The following FRYL variants were observed in gnomAD, a reference collection of about 807,000 sequenced individuals.
The protein encoded by FRYL is protein furry homolog-like.
Under a neutral mutation model 351.2 loss-of-function variants are expected in FRYL, and 150 were observed. That is an observed-to-expected ratio of 0.43 (90% confidence interval 0.37 to 0.49). The LOEUF is 0.49. FRYL is among the 20% of genes least tolerant of loss of function. The pLI is 0.00. For missense variants in FRYL, 3,036 were observed against 3,619.3 expected, an observed-to-expected ratio of 0.84 and a Z score of 4.13; for synonymous variants, 1,153 against 1,257.1, an observed-to-expected ratio of 0.92 and a Z score of 1.75.
chr4:48,510,643 G>A (rs1391475043), intron 58 of FRYL, among the ~76,000 whole-genome samples, 192 bp downstream of exon 58: 1 of 152,094 alleles, frequency 6.6e-6, no homozygotes, highest in Non-Finnish European at 1.5e-5. Context: ...AGGGCATGAA[G>A]GAGTCAGAAT....
At chr4:48,644,735 A>T (rs1756045415) in intron 3 of FRYL, among the ~76,000 whole-genome samples, 1 of 152,042 alleles carries the variant, frequency 6.6e-6, no homozygotes, top group African/African-American at 2.4e-5. Flanking sequence ...TTAAAAATTC[A>T]TTTTTCAAAA....
chr4:48,559,753 C>T (rs545627075), intron 33 of FRYL, among the ~76,000 whole-genome samples: 47 of 150,504 alleles, frequency 3.1e-4, no homozygotes, highest in South Asian at 1.1e-3. Flanking sequence ...AAAAAAGGGA[C>T]GGAAGGCAAG....
chr4:48,552,249 GTGT>G (rs1732993397), intron 36 of FRYL, among the ~76,000 whole-genome samples: 2 of 77,554 alleles, frequency 2.6e-5, no homozygotes, highest in African/African-American at 8.1e-5. Context: ...AAAGGGGTGT[GTGT>G]GTGTGTGTGT....
At chr4:48,712,506 G>C (rs1237733392) in intron 1 of FRYL, among the ~76,000 whole-genome samples, 1 of 152,144 alleles carries the variant, frequency 6.6e-6, no homozygotes, top group Non-Finnish European at 1.5e-5. Flanking sequence ...AGCGAGAAGG[G>C]AAGTTTAGAG....
At chr4:48,501,210 A>G (rs1455750135) in intron 62 of FRYL, among the ~76,000 whole-genome samples, 1 of 151,680 alleles carries the variant, frequency 6.6e-6, no homozygotes, top group Non-Finnish European at 1.5e-5. Context: ...TGATTTTCTG[A>G]GACAGGGTCT....
At chr4:48,741,239 C>G (rs1772023620) in intron 1 of FRYL, among the ~76,000 whole-genome samples, 1 of 152,036 alleles carries the variant, frequency 6.6e-6, no homozygotes, top group Non-Finnish European at 1.5e-5. Flanking sequence ...GAAGACTCAT[C>G]TTTATTAAAA....
At chr4:48,708,702 C>T (rs1327584474) in intron 2 of FRYL, among the ~76,000 whole-genome samples, 1 of 152,176 alleles carries the variant, frequency 6.6e-6, no homozygotes, top group African/African-American at 2.4e-5. Context: ...AAGTAATCCT[C>T]CCACCTTACC....
chr4:48,717,080 T>C (rs1207966931), intron 1 of FRYL, among the ~76,000 whole-genome samples: 1 of 125,412 alleles, frequency 8.0e-6, no homozygotes, highest in East Asian at 2.4e-4. Context: ...AACGAGAACA[T>C]ATGGACACAG....
At chr4:48,779,494 G>A (rs951479235) in intron 1 of FRYL, among the ~76,000 whole-genome samples, 2 of 152,088 alleles carry the variant, frequency 1.3e-5, no homozygotes, top group Admixed American at 6.5e-5. Flanking sequence ...GACAATGCCC[G>A]GCTGGGCTGG....
At chr4:48,522,158 G>A (rs908015354) in intron 54 of FRYL, among the ~76,000 whole-genome samples, 2 of 152,166 alleles carry the variant, frequency 1.3e-5, no homozygotes, top group African/African-American at 4.8e-5. Flanking sequence ...GCATGCACCT[G>A]TAGTCCTAGC....
chr4:48,625,480 T>TA (rs1299036970), intron 4 of FRYL, among the ~76,000 whole-genome samples: 2 of 152,114 alleles, frequency 1.3e-5, no homozygotes, highest in African/African-American at 4.8e-5. Flanking sequence ...CAGTAAAAAA[T>TA]AAAATAAAAC....
intron 2 of FRYL, among the ~76,000 whole-genome samples, chr4:48,694,140 A>G (rs1217802556): frequency 1.3e-5 from 2 of 152,194 alleles, no homozygotes; most frequent in Non-Finnish European, 2.9e-5. Flanking sequence ...GAGCACAGCA[A>G]AGAGATTAAG....
At position 48,579,046 on chromosome 4, in the gene FRYL, A is replaced by C. The variant is rs1480097727; in HGVS notation, c.2455T>G (p.Ser819Ala). Reference sequence around the variant, plus strand: ...ATCCAAGCATAGCTCACAGCTGTAGAGCAGTGTTTAGGAAGATTTTCTTGC... The same window carrying C: ...ATCCAAGCATAGCTCACAGCTGTAGCGCAGTGTTTAGGAAGATTTTCTTGC... ...LKQENLPKHC[S>A]TAVSYAWMFA... The change falls in exon 23 of 64, where the codon TCT (serine) becomes GCT (alanine). Residue 819 changes from serine to alanine, a missense_variant. Transcript: ENST00000358350. The C allele has an allele frequency of 1.4e-5, 22 of 1,613,888 alleles. No individual in the cohort carries two copies. The highest frequency in any genetic ancestry group is 1.6e-5 in the Non-Finnish European group (19 of 1,179,888).
At chr4:48,507,979 A>G (rs755283979) in intron 59 of FRYL, among the ~76,000 whole-genome samples, 6 of 152,174 alleles carry the variant, frequency 3.9e-5, no homozygotes, top group Non-Finnish European at 7.4e-5. Context: ...GCAGTCTTGA[A>G]TAATAATAAA....
chr4:48,758,130 C>G (rs1308647014), intron 1 of FRYL, among the ~76,000 whole-genome samples: 1 of 152,178 alleles, frequency 6.6e-6, no homozygotes, highest in Non-Finnish European at 1.5e-5. Flanking sequence ...AAGCATAAAA[C>G]CCTAGAAGAA....
intron 4 of FRYL, among the ~76,000 whole-genome samples, chr4:48,625,190 T>C (rs1560739801): frequency 6.6e-6 from 1 of 152,184 alleles, no homozygotes; most frequent in Non-Finnish European, 1.5e-5. Context: ...ACACACCCTA[T>C]TGGTTCCATT....
intron 1 of FRYL, among the ~76,000 whole-genome samples, chr4:48,765,877 T>C (rs1414441633): frequency 3.3e-5 from 5 of 152,048 alleles, no homozygotes; most frequent in Non-Finnish European, 7.4e-5. Flanking sequence ...AACAGACCAA[T>C]AGGTATATAA....
In FRYL at chr4:48,576,011, G is replaced by A; in HGVS notation, c.2721+19C>T. ...CCATTCAGATTTCATATATCCAACA[G>A]TGGATCTGAGAAACTTACTTTAGAA... On this transcript the variant is annotated intron_variant, in intron 24 of 63. Transcript: ENST00000358350. 1 of 1,537,818 alleles carries A rather than the reference G, an allele frequency of 6.5e-7. No individual in the cohort carries two copies. The highest frequency in any genetic ancestry group is 8.7e-7 in the Non-Finnish European group (1 of 1,143,078).
chr4:48,672,320 T>TA (rs1762883571), intron 3 of FRYL, among the ~76,000 whole-genome samples: 1 of 152,156 alleles, frequency 6.6e-6, no homozygotes, highest in Non-Finnish European at 1.5e-5. Flanking sequence ...TGGCCCCCCA[T>TA]CATGACTGTA....
Sources: gnomAD v4.1 joint callset for allele counts (sites outside exome capture counted in the v4.1 genomes callset) on GRCh38, gnomAD v4.1.1 for gene constraint, MANE v1.5 for transcripts, NCBI Gene and HGNC (gene_info 2026-07-23, HGNC 2026-07-21) for gene names.